The following RAB31 variants were observed in gnomAD, a reference collection of about 807,000 sequenced individuals.
RAB31 encodes ras-related protein Rab-31.
A neutral mutation model predicts 25.6 loss-of-function variants in RAB31; 21 were observed. The observed-to-expected ratio is 0.82, with a 90% CI of 0.58 to 1.18. RAB31 has a LOEUF of 1.18. Among genes scored for constraint, RAB31 ranks in the 50% most tolerant of loss-of-function variants. The probability of loss-of-function intolerance (pLI) is 0.00; values close to 1 mark genes in which losing one functional copy is unlikely to be tolerated. For synonymous variants in RAB31, 87 were observed against 84.0 expected (o/e 1.04, Z -0.20); for missense variants, 196 against 250.1 (o/e 0.78, Z 1.46).
At chr18:9,741,199 A>C (rs576116114) in intron 1 of RAB31, among the ~76,000 whole-genome samples, 1 of 151,822 alleles carries the variant, frequency 6.6e-6, no homozygotes, top group South Asian at 2.1e-4. Flanking sequence ...AACATGGTGA[A>C]ACTCCGTCTC....
chr18:9,797,290 A>G (rs1226053638), intron 3 of RAB31: 1 of 152,208 alleles, frequency 6.6e-6, no homozygotes, highest in Non-Finnish European at 1.5e-5. Flanking sequence ...CTGGCTATGA[A>G]ATAGTTGCTT....
intron 5 of RAB31, among the ~76,000 whole-genome samples, chr18:9,830,983 C>A (rs1189671277): frequency 6.6e-6 from 1 of 152,188 alleles, no homozygotes; most frequent in South Asian, 2.1e-4. Flanking sequence ...AGCTGTCATA[C>A]GTTGCGTGTC....
At chr18:9,815,306 G>A in intron 5 of RAB31, 84 bp downstream of exon 5, 1 of 646,032 alleles carries the variant, frequency 1.5e-6, no homozygotes, top group Non-Finnish European at 2.4e-6. Flanking sequence ...CTCCATCCCT[G>A]AGTGTCATCC....
chr18:9,806,569 A>G (rs1283622688), intron 3 of RAB31, among the ~76,000 whole-genome samples: 1 of 152,000 alleles, frequency 6.6e-6, no homozygotes, highest in Admixed American at 6.6e-5. Context: ...CCAAGAAGGG[A>G]CCAGGGCGGG....
chr18:9,720,740 C>T (rs9960800), intron 1 of RAB31, among the ~76,000 whole-genome samples: 50,980 of 147,164 alleles, frequency 0.35, 9,065 homozygotes, highest in Middle Eastern at 0.44. Flanking sequence ...TGTGTAATTT[C>T]GTTAAAACCT....
chr18:9,798,483 C>A (rs982648169), intron 3 of RAB31, among the ~76,000 whole-genome samples: 1 of 152,106 alleles, frequency 6.6e-6, no homozygotes, highest in South Asian at 2.1e-4. Context: ...ATTGGAGTCC[C>A]GTGAATTTTA....
intron 2 of RAB31, among the ~76,000 whole-genome samples, chr18:9,777,925 T>G (rs1174693680): frequency 1.3e-5 from 2 of 152,006 alleles, no homozygotes; most frequent in Non-Finnish European, 2.9e-5. Context: ...CAGCTAATTT[T>G]TATACTTTTA....
intron 5 of RAB31, among the ~76,000 whole-genome samples, chr18:9,825,692 C>T (rs902798523): frequency 6.6e-6 from 1 of 152,150 alleles, no homozygotes; most frequent in Admixed American, 6.5e-5. Context: ...CAGAATCTAT[C>T]CTGGCATCTG....
chr18:9,829,866 C>T (rs1044967746), intron 5 of RAB31, among the ~76,000 whole-genome samples: 13 of 151,574 alleles, frequency 8.6e-5, no homozygotes, highest in South Asian at 8.3e-4. Context: ...GATTGTTTAC[C>T]GTAATCTTGT....
chr18:9,785,303 C>G (rs1251033674), intron 2 of RAB31: 1 of 153,222 alleles, frequency 6.5e-6, no homozygotes, highest in Non-Finnish European at 1.5e-5. Flanking sequence ...GGAAAGACCA[C>G]TGGACAGTGG....
At chr18:9,827,720 A>T (rs1250072078) in intron 5 of RAB31, among the ~76,000 whole-genome samples, 1 of 152,184 alleles carries the variant, frequency 6.6e-6, no homozygotes, top group East Asian at 1.9e-4. Flanking sequence ...AAAATAGGGT[A>T]GGGTAGGAGG....
intron 2 of RAB31, chr18:9,787,153 C>A: frequency 4.6e-6 from 1 of 218,372 alleles, no homozygotes; most frequent in Non-Finnish European, 9.9e-6. Context: ...AGTTTCACCA[C>A]CCCAAAGAAT....
At chr18:9,763,109 G>A (rs946327825) in intron 1 of RAB31, among the ~76,000 whole-genome samples, 5 of 151,994 alleles carry the variant, frequency 3.3e-5, no homozygotes, top group African/African-American at 1.2e-4. Flanking sequence ...CTTTAGGGTG[G>A]ATGATGTCCC....
intron 5 of RAB31, among the ~76,000 whole-genome samples, chr18:9,819,416 A>T (rs2068614575): frequency 6.8e-6 from 1 of 147,268 alleles, no homozygotes; most frequent in African/African-American, 2.5e-5. Flanking sequence ...TAACTTTATT[A>T]GTTGATCTAC....
intron 6 of RAB31, among the ~76,000 whole-genome samples, chr18:9,846,709 GT>G (rs1291898275): frequency 6.6e-6 from 1 of 152,192 alleles, no homozygotes; most frequent in Admixed American, 6.5e-5. Flanking sequence ...TCCCAGAACA[GT>G]TTTGATTTCT....
At chr18:9,836,611 C>T (rs1434227048) in intron 5 of RAB31, among the ~76,000 whole-genome samples, 1 of 152,200 alleles carries the variant, frequency 6.6e-6, no homozygotes, top group Non-Finnish European at 1.5e-5. Flanking sequence ...AAGCTTGCTA[C>T]AGTGTAGATT....
At chr18:9,753,000 G>A (rs987885484) in intron 1 of RAB31, among the ~76,000 whole-genome samples, 1 of 152,128 alleles carries the variant, frequency 6.6e-6, no homozygotes, top group African/African-American at 2.4e-5. Context: ...TATGTACAGT[G>A]GAATTTCATG....
At chr18:9,772,742 G>A (rs939617694) in intron 1 of RAB31, among the ~76,000 whole-genome samples, 1 of 152,186 alleles carries the variant, frequency 6.6e-6, no homozygotes, top group Non-Finnish European at 1.5e-5. Context: ...CTGGCCTCAT[G>A]AAAGTGTGCT....
chr18:9,740,046 G>T (rs923080020), intron 1 of RAB31, among the ~76,000 whole-genome samples: 1 of 152,212 alleles, frequency 6.6e-6, no homozygotes, highest in East Asian at 1.9e-4. Context: ...CTGGGGTGAC[G>T]AGAGGAGCTC....
Sources: gnomAD v4.1 joint callset for allele counts (sites outside exome capture counted in the v4.1 genomes callset) on GRCh38, gnomAD v4.1.1 for gene constraint, MANE v1.5 for transcripts, NCBI Gene and HGNC (gene_info 2026-07-23, HGNC 2026-07-21) for gene names.